Variants in TRIM2 observed in about 807,000 individuals in gnomAD.
The protein encoded by TRIM2 is tripartite motif containing 2, also known as tripartite motif-containing protein 2.
In TRIM2, 20 loss-of-function variants were observed where a neutral mutation model predicts 75.2. The observed-to-expected ratio is 0.27, with a 90% confidence interval of 0.19 to 0.39. TRIM2 has a LOEUF of 0.39. TRIM2 is among the 10% of genes least tolerant of loss of function. TRIM2 has a pLI of 1.00. For missense variants in TRIM2, 660 were observed against 990.8 expected, an observed-to-expected ratio of 0.67 and a Z score of 4.48; for synonymous variants, 373 against 388.3, an observed-to-expected ratio of 0.96 and a Z score of 0.46.
chr4:153,243,807 CTTT>C (rs34997724), intron 1 of TRIM2, among the ~76,000 whole-genome samples: 47 of 117,514 alleles, frequency 4.0e-4, no homozygotes, highest in African/African-American at 1.5e-3. Flanking sequence ...CCTCCCCCTC[CTTT>C]TTTTTTTTCC....
At chr4:153,224,702 T>C (rs1741657075) in intron 1 of TRIM2, among the ~76,000 whole-genome samples, 1 of 152,210 alleles carries the variant, frequency 6.6e-6, no homozygotes, top group African/African-American at 2.4e-5. Context: ...AGAAATTCCA[T>C]TGTATCTGTC....
intron 6 of TRIM2, among the ~76,000 whole-genome samples, chr4:153,313,457 A>G (rs918865400): frequency 6.6e-6 from 1 of 151,998 alleles, no homozygotes; most frequent in African/African-American, 2.4e-5. Context: ...ATTTTATTCT[A>G]AGTTTAATCC....
At chr4:153,316,321 T>C (rs1206155707) in intron 8 of TRIM2, among the ~76,000 whole-genome samples, 1 of 152,224 alleles carries the variant, frequency 6.6e-6, no homozygotes, top group African/African-American at 2.4e-5. Flanking sequence ...AAAAGAGTTA[T>C]TAAGAGGCAG....
intron 1 of TRIM2, among the ~76,000 whole-genome samples, chr4:153,252,032 T>C (rs1164775673): frequency 1.3e-5 from 2 of 152,122 alleles, no homozygotes; most frequent in Non-Finnish European, 2.9e-5. Context: ...CTGTAGTCAC[T>C]CTACTGTACA....
At chr4:153,259,078 T>C (rs1752766778) in intron 1 of TRIM2, among the ~76,000 whole-genome samples, 1 of 152,204 alleles carries the variant, frequency 6.6e-6, no homozygotes, top group Non-Finnish European at 1.5e-5. Context: ...TGATTTGCAT[T>C]GGAAAGGTTA....
At chr4:153,171,159 C>T (rs1483881678) in intron 1 of TRIM2, among the ~76,000 whole-genome samples, 1 of 152,166 alleles carries the variant, frequency 6.6e-6, no homozygotes, top group African/African-American at 2.4e-5. Context: ...CAGCGTTTTC[C>T]ATGCCCAGGT....
intron 11 of TRIM2, among the ~76,000 whole-genome samples, chr4:153,329,080 T>A (rs1770878650): frequency 6.6e-6 from 1 of 152,222 alleles, no homozygotes; most frequent in South Asian, 2.1e-4. Flanking sequence ...CATATCATAT[T>A]GTTGCAAAAA....
chr4:153,307,887 A>G, intron 6 of TRIM2: 1 of 748,354 alleles, frequency 1.3e-6, no homozygotes, highest in Non-Finnish European at 2.5e-6. Flanking sequence ...ATTGTGGGAG[A>G]CCATGATTCT....
intron 1 of TRIM2, among the ~76,000 whole-genome samples, chr4:153,184,687 G>A (rs1355601945): frequency 1.3e-5 from 2 of 152,198 alleles, no homozygotes; most frequent in Non-Finnish European, 1.5e-5. Context: ...TGTCCTTAAA[G>A]TGATATTCCA....
At chr4:153,247,900 T>C (rs576990778) in intron 1 of TRIM2, among the ~76,000 whole-genome samples, 10 of 152,100 alleles carry the variant, frequency 6.6e-5, no homozygotes, top group African/African-American at 2.4e-4. Context: ...TATCAGTCAT[T>C]TCTAAAGGAA....
intron 1 of TRIM2, among the ~76,000 whole-genome samples, chr4:153,250,601 C>A (rs1036314074): frequency 1.3e-5 from 2 of 152,172 alleles, no homozygotes; most frequent in African/African-American, 4.8e-5. Context: ...GAATTTATGT[C>A]CAATATGAGT....
chr4:153,339,012 G>A lies in TRIM2; in HGVS notation c.*4046G>A, dbSNP rs1279193914. ...TTGTACATTCCATCTTTATAGGTCT[G>A]TTTCATATGTTTTATGTATAGAACA... On this transcript the variant is annotated 3_prime_UTR_variant, in exon 12 of 12. Transcript: ENST00000338700. 2.0e-6 allele frequency: 2 copies of A among 981,804 alleles called. No homozygotes were observed. The highest frequency in any genetic ancestry group is 1.3e-4 in the Admixed American group (2 of 15,902). 60.8% of individuals were successfully genotyped at this position (981,804 alleles called of 1,614,324 possible). A position where few individuals can be genotyped will look rare whatever the true frequency, so the allele number is the denominator to read the frequency against.
chr4:153,179,288 T>C (rs1731798957), intron 1 of TRIM2, among the ~76,000 whole-genome samples: 1 of 150,108 alleles, frequency 6.7e-6, no homozygotes, highest in African/African-American at 2.4e-5. Flanking sequence ...TTATTAATAT[T>C]AATACTTAAA....
chr4:153,217,744 GA>G (rs1738879363), intron 1 of TRIM2, among the ~76,000 whole-genome samples: 1 of 152,134 alleles, frequency 6.6e-6, no homozygotes. Context: ...ATAAGGATAA[GA>G]ATTTATTTTT....
At chr4:153,218,371 C>T (rs1739060256) in intron 1 of TRIM2, among the ~76,000 whole-genome samples, 1 of 152,116 alleles carries the variant, frequency 6.6e-6, no homozygotes, top group African/African-American at 2.4e-5. Flanking sequence ...CCACACTCAG[C>T]TAATTATTTT....
chr4:153,184,448 C>T (rs1240950995), intron 1 of TRIM2, among the ~76,000 whole-genome samples: 1 of 152,136 alleles, frequency 6.6e-6, no homozygotes, highest in Non-Finnish European at 1.5e-5. Flanking sequence ...TAATTACTTC[C>T]TTAGAGGCCT....
At chr4:153,283,688 G>T (rs1364083135) in intron 3 of TRIM2, among the ~76,000 whole-genome samples, 1 of 149,866 alleles carries the variant, frequency 6.7e-6, no homozygotes, top group African/African-American at 2.5e-5. Context: ...CCAGGCTGGA[G>T]TGCAGTGGCG....
chr4:153,327,585 C>G (rs1432956977), intron 10 of TRIM2, among the ~76,000 whole-genome samples: 1 of 152,188 alleles, frequency 6.6e-6, no homozygotes. Flanking sequence ...GGAGACATTT[C>G]AAAACCATTA....
chr4:153,311,011 A>G (rs935809332), intron 6 of TRIM2, among the ~76,000 whole-genome samples: 1 of 152,160 alleles, frequency 6.6e-6, no homozygotes, highest in Admixed American at 6.5e-5. Context: ...AACACAGTCC[A>G]TTGCTCTTGT....
Sources: allele counts gnomAD v4.1 joint callset (sites outside exome capture counted in the v4.1 genomes callset), GRCh38; gene constraint gnomAD v4.1.1; transcripts MANE v1.5; gene names NCBI Gene and HGNC (gene_info 2026-07-23, HGNC 2026-07-21).